The following ZNF721 variants were observed in gnomAD, a reference collection of about 807,000 sequenced individuals.
The protein encoded by ZNF721 is zinc finger protein 721.
In ZNF721, 2 loss-of-function variants were observed where a neutral mutation model predicts 2.4. The observed-to-expected ratio is 0.82, with a 90% CI of 0.34 to 2.58. The LOEUF is 2.58. ZNF721 is among the 30% of genes most tolerant of loss of function. The pLI, the probability that ZNF721 is intolerant of heterozygous loss-of-function variation, is 0.11. For missense variants in ZNF721, 1,187 were observed against 1,085.5 expected, an observed-to-expected ratio of 1.09 and a Z score of -1.31; for synonymous variants, 398 against 381.8, an observed-to-expected ratio of 1.04 and a Z score of -0.50.
At chr4:448,093 A>G (rs951995526) in intron 2 of ZNF721, among the ~76,000 whole-genome samples, 1 of 152,198 alleles carries the variant, frequency 6.6e-6, no homozygotes, top group Non-Finnish European at 1.5e-5. Flanking sequence ...ACACTGCTCA[A>G]CGAGAATACA....
At chr4:474,029 A>C (rs782405949) in intron 1 of ZNF721, 1 of 1,499,350 alleles carries the variant, frequency 6.7e-7, no homozygotes, top group South Asian at 1.1e-5. Context: ...CGAATCATCC[A>C]ATACCCGCAG....
chr4:485,378 C>T (rs1275923156), intron 1 of ZNF721, among the ~76,000 whole-genome samples: 3 of 151,816 alleles, frequency 2.0e-5, no homozygotes, highest in Admixed American at 6.6e-5. Flanking sequence ...ATATTCACCA[C>T]GGTCAGGCCA....
intron 1 of ZNF721, among the ~76,000 whole-genome samples, chr4:496,378 A>T (rs1716153420): frequency 6.6e-6 from 1 of 151,714 alleles, no homozygotes; most frequent in African/African-American, 2.4e-5. Context: ...TCACCTCCTT[A>T]TATGCACCTG....
rs1457073098 is a variant in ZNF721, at chr4:440,302, T to C, written c.*1393A>G. 2 of 152,188 alleles carry C rather than the reference T, an allele frequency of 1.3e-5. No individual in the cohort carries two copies. The highest frequency in any genetic ancestry group is 4.8e-5 in the African/African-American group (2 of 41,444). 9.4% of individuals were successfully genotyped at this position (152,188 alleles called of 1,614,324 possible). A position where few individuals can be genotyped will look rare whatever the true frequency, so the allele number is the denominator to read the frequency against. ...CTAATGCAAAGGAGTTTCTCATATC[T>C]CTGACGCAGCAACAATTTATCACAT... On this transcript the variant is annotated 3_prime_UTR_variant, in exon 3 of 3. Transcript: ENST00000511833.
chr4:481,239 T>C (rs914310600), intron 1 of ZNF721, among the ~76,000 whole-genome samples: 1 of 152,178 alleles, frequency 6.6e-6, no homozygotes, highest in African/African-American at 2.4e-5. Context: ...ATTTTTAATA[T>C]TTTGAGAAAT....
chr4:465,766 T>C (rs1489876482), intron 2 of ZNF721, among the ~76,000 whole-genome samples: 1 of 150,814 alleles, frequency 6.6e-6, no homozygotes, highest in African/African-American at 2.4e-5. Flanking sequence ...AGATATTTTA[T>C]GTCTCTTGGA....
rs1395463408 is a variant in ZNF721 at position 440,663 on chromosome 4, T to C, written c.*1032A>G. 6.6e-6 allele frequency: 1 copy of C among 152,172 alleles called. No homozygotes were observed. 9.4% of individuals were successfully genotyped at this position (152,172 alleles called of 1,614,324 possible). A position where few individuals can be genotyped will look rare whatever the true frequency, so the allele number is the denominator to read the frequency against. ...TCTAGTAAAAATTCTCTGGTGTTTCTTTTCTTTTTATCTTGTTTTGAGACA... is the reference window on the plus strand; with the variant it reads ...TCTAGTAAAAATTCTCTGGTGTTTCCTTTCTTTTTATCTTGTTTTGAGACA... On this transcript the variant is annotated 3_prime_UTR_variant, in exon 3 of 3. Transcript: ENST00000511833.
intron 2 of ZNF721, among the ~76,000 whole-genome samples, chr4:470,525 C>T (rs1553867451): frequency 6.6e-6 from 1 of 152,050 alleles, no homozygotes; most frequent in African/African-American, 2.4e-5. Context: ...ACCGGCCTGA[C>T]CAACATAGAG....
chr4:472,158 G>A (rs531266802), intron 2 of ZNF721, among the ~76,000 whole-genome samples: 11 of 152,300 alleles, frequency 7.2e-5, no homozygotes, highest in Non-Finnish European at 1.0e-4. Flanking sequence ...TGCCTCCCAG[G>A]TTCAAGTGAT....
intron 1 of ZNF721, among the ~76,000 whole-genome samples, chr4:493,776 C>T (rs967629375): frequency 6.6e-6 from 1 of 151,252 alleles, no homozygotes; most frequent in African/African-American, 2.4e-5. Context: ...TTTATTAAAA[C>T]TTACACAGGC....
chr4:463,591 T>C (rs1400211839), intron 2 of ZNF721, among the ~76,000 whole-genome samples: 1 of 152,020 alleles, frequency 6.6e-6, no homozygotes, highest in Non-Finnish European at 1.5e-5. Flanking sequence ...AAAGGATGAG[T>C]TCATGTCCTA....
intron 2 of ZNF721, among the ~76,000 whole-genome samples, chr4:461,991 T>A (rs574975479): frequency 6.6e-6 from 1 of 152,336 alleles, no homozygotes; most frequent in South Asian, 2.1e-4. Flanking sequence ...GATGACATGA[T>A]TGTATATTTA....
At position 483,581 on chromosome 4, in the gene ZNF721, T is replaced by C. The variant is rs1715824264; in HGVS notation, c.-93-10880A>G. On this transcript the variant is annotated intron_variant, in intron 1 of 2. Coordinates refer to ENST00000511833, the MANE Select transcript of ZNF721 (RefSeq NM_133474.4). ...AAAAAAAGAAAAAAAAATTAGCTCT[T>C]AAGATTGTGGTTACATTTGGGGAGG... 2.0e-5 allele frequency among the ~76,000 whole-genome samples: 3 copies of C among 151,880 alleles called. No individual in the cohort carries two copies. The South Asian group carries it at 6.3e-4, about 32-fold the overall frequency.
rs559274906 is a variant in ZNF721 at position 442,625 on chromosome 4, T to C, written c.1842A>G (p.Lys614=). The C allele has an allele frequency of 6.2e-7, 1 of 1,613,960 alleles. No homozygotes were observed. The highest frequency in any genetic ancestry group is 8.5e-7 in the Non-Finnish European group (1 of 1,179,902). Residue 614 remains lysine, a synonymous_variant, in exon 3 of 3, where the codon AAA becomes AAG. Coordinates refer to ENST00000511833, the MANE Select transcript of ZNF721 (RefSeq NM_133474.4). The stretch of plus-strand genomic sequence containing the variant: ...CAAAGTCTTTGCCACACTCTTCACA[T>C]TTGTAAAGTTTCTCTCCAGTATGAA... ...KKIHTGEKLY[K]CEECGKDFVW...
Position 443,089 on chromosome 4 carries a change from G to C in ZNF721, c.1378C>G (p.Leu460Val). The C allele has an allele frequency of 6.2e-7, 1 of 1,613,838 alleles. No individual in the cohort carries two copies. Among genetic ancestry groups the C allele is most frequent in the Non-Finnish European group, 8.5e-7 (1 of 1,179,832 alleles). The change falls in exon 3 of 3, where the codon CTG becomes GTG. Residue 460 changes from leucine to valine, a missense_variant. By Grantham distance (32) the Leu-to-Val change is conservative (BLOSUM62 1). Coordinates refer to ENST00000511833, the MANE Select transcript of ZNF721 (RefSeq NM_133474.4). The part of the protein sequence containing the change: ...CGKAFIHSLH[L>V]NKHEKIHTGK... ...GTATGAATTTTCTCATGTTTATTCA[G>C]GTGCAAGGAATGTATAAAGGCTTTC...
intron 2 of ZNF721, among the ~76,000 whole-genome samples, chr4:447,676 A>T (rs1332431561): frequency 1.3e-5 from 2 of 152,188 alleles, no homozygotes; most frequent in Non-Finnish European, 2.9e-5. Flanking sequence ...GTAATAATTT[A>T]AAAAGACTGA....
At chr4:460,576 T>C (rs1365527426) in intron 2 of ZNF721, among the ~76,000 whole-genome samples, 4 of 121,234 alleles carry the variant, frequency 3.3e-5, no homozygotes, top group Non-Finnish European at 5.2e-5. Flanking sequence ...AGACAAGAAA[T>C]AACTAAGATC....
At chr4:455,196 G>C (rs1415010424) in intron 2 of ZNF721, among the ~76,000 whole-genome samples, 1 of 152,146 alleles carries the variant, frequency 6.6e-6, no homozygotes, top group Non-Finnish European at 1.5e-5. Context: ...ATGGGATAAA[G>C]GTTGTTTACC....
intron 1 of ZNF721, among the ~76,000 whole-genome samples, chr4:492,567 T>C (rs1416812882): frequency 6.6e-6 from 1 of 151,630 alleles, no homozygotes; most frequent in Non-Finnish European, 1.5e-5. Flanking sequence ...AGAAAGAGCA[T>C]TATAATTTCC....
Sources: gnomAD v4.1 joint callset for allele counts (sites outside exome capture counted in the v4.1 genomes callset) on GRCh38, gnomAD v4.1.1 for gene constraint, MANE v1.5 for transcripts, NCBI Gene and HGNC (gene_info 2026-07-23, HGNC 2026-07-21) for gene names.